ZSCAN20: variants seen among roughly 807,000 people sequenced by gnomAD.
ZSCAN20 encodes zinc finger and SCAN domain containing 20, also known as zinc finger and SCAN domain-containing protein 20.
Under a neutral mutation model 97.1 loss-of-function variants are expected in ZSCAN20, and 39 were observed. That is an observed-to-expected ratio of 0.40 (90% CI 0.31 to 0.52). The LOEUF is 0.52. ZSCAN20 is among the 20% of genes least tolerant of loss of function. The pLI is 0.49. For missense variants in ZSCAN20, 1,115 were observed against 1,290.4 expected (o/e 0.86, Z 2.08); for synonymous variants, 456 against 467.3 (o/e 0.98, Z 0.31).
chr1:33,497,825 G>A lies in ZSCAN20; in HGVS notation c.*2349G>A, dbSNP rs1652928229. Among the ~76,000 whole-genome samples the A allele has an allele frequency of 6.6e-6, 1 of 152,102 alleles. No homozygotes were observed. The highest frequency in any genetic ancestry group is 1.5e-5 in the Non-Finnish European group (1 of 68,032). On this transcript the variant is annotated 3_prime_UTR_variant, in exon 8 of 8. Coordinates refer to ENST00000684572, the MANE Select transcript of ZSCAN20 (RefSeq NM_001377376.1). ...AGCATGTCCTCATTCAGAATTGGGA[G>A]CACAAGGAGGAGAGGCTGATAGAGC...
intron 2 of ZSCAN20, among the ~76,000 whole-genome samples, chr1:33,486,998 G>A (rs1005375946): frequency 2.0e-4 from 30 of 152,118 alleles, no homozygotes; most frequent in African/African-American, 7.2e-4. Flanking sequence ...GAAGATAGTT[G>A]TTATTATTTT....
At chr1:33,488,202 C>G (rs981789322) in intron 2 of ZSCAN20, among the ~76,000 whole-genome samples, 1 of 152,072 alleles carries the variant, frequency 6.6e-6, no homozygotes, top group African/African-American at 2.4e-5. Context: ...CATAATTTAT[C>G]TCTTTATGAA....
chr1:33,479,533 C>T lies in ZSCAN20; in HGVS notation c.245C>T (p.Pro82Leu), dbSNP rs1466388099. The change falls in exon 2 of 8, where the codon CCG becomes CTG. Residue 82 changes from proline to leucine, a missense_variant. Around this residue, in one of 3 missense-constraint regions of ZSCAN20, gnomAD observed 508 missense variants for 611.2 expected, o/e 0.83. Coordinates refer to ENST00000684572, the MANE Select transcript of ZSCAN20 (RefSeq NM_001377376.1). ...LWALCCRWLR[P>L]EIRLKEQILE... ...GCTCTCTGCTGTCGTTGGCTGAGGC[C>T]GGAGATCCGTCTCAAAGAGCAGATC... is the stretch of plus-strand genomic sequence containing the variant. The T allele has an allele frequency of 3.7e-6, 6 of 1,613,252 alleles. No homozygotes were observed. Among genetic ancestry groups the T allele is most frequent in the Admixed American group, 1.7e-5 (1 of 59,932 alleles).
At chr1:33,482,894 AT>A (rs1378568939) in intron 2 of ZSCAN20, among the ~76,000 whole-genome samples, 1 of 152,148 alleles carries the variant, frequency 6.6e-6, no homozygotes, top group Admixed American at 6.6e-5. Context: ...AGTCTTGCCC[AT>A]TTTTAAATTG....
Position 33,491,430 on chromosome 1 carries a change from A to G in ZSCAN20, c.1172A>G (p.Lys391Arg). ...CTCCTACGGAATTACCGGAAAGCCA[A>G]GAGCAGCCACCCACCAGGTACCTGC... The part of the protein sequence containing the change: ...KNLLRNYRKA[K>R]SSHPPGTCPF... The change falls in exon 6 of 8, where the codon AAG (lysine) becomes AGG (arginine). Residue 391 changes from lysine (K) to arginine (R), a missense_variant. Lys to Arg is a conservative substitution (Grantham distance 26). Coordinates refer to ENST00000684572, the MANE Select transcript of ZSCAN20 (RefSeq NM_001377376.1). This position sits in a 1 kb window ranked among gnomAD's most constrained non-coding sequence, Gnocchi z 4.3. 6.2e-7 allele frequency: 1 copy of G among 1,614,228 alleles called. No homozygotes were observed. Among genetic ancestry groups the G allele is most frequent in the Non-Finnish European group, 8.5e-7 (1 of 1,180,040 alleles).
chr1:33,486,149 C>CT (rs1652357231), intron 2 of ZSCAN20, among the ~76,000 whole-genome samples: 1 of 152,144 alleles, frequency 6.6e-6, no homozygotes, highest in South Asian at 2.1e-4. Flanking sequence ...CAAAATGGTT[C>CT]TTTTTTCCTG....
At position 33,493,693 on chromosome 1, in the gene ZSCAN20, T is replaced by A. The variant is rs1652721011; in HGVS notation, c.1873+78T>A. 2.1e-6 allele frequency: 3 copies of A among 1,427,312 alleles called. No homozygotes were observed. The South Asian group carries it at 4.3e-5, about 21-fold the overall frequency. The allele number at this position is 1,427,312 out of a possible 1,614,324, so 88.4% of individuals were successfully genotyped here. ...TGAGGAAGCCAGGCTCATTATCTTT[T>A]GTCTCTTAACTAAAAGAGAGAATGG... On this transcript the variant is annotated intron_variant, in intron 7 of 7. Coordinates refer to ENST00000684572, the MANE Select transcript of ZSCAN20 (RefSeq NM_001377376.1). The surrounding 1 kb of genome is among the most constrained non-coding windows in gnomAD (Gnocchi z 4.3).
chr1:33,486,589 G>A (rs961132552), intron 2 of ZSCAN20, among the ~76,000 whole-genome samples: 1 of 152,130 alleles, frequency 6.6e-6, no homozygotes, highest in African/African-American at 2.4e-5. Flanking sequence ...CTAATTTTTT[G>A]TCTCCTGGTT....
At chr1:33,481,716 G>A (rs1464781192) in intron 2 of ZSCAN20, among the ~76,000 whole-genome samples, 2 of 152,132 alleles carry the variant, frequency 1.3e-5, no homozygotes, top group East Asian at 3.8e-4. Context: ...AAAGGTTGGT[G>A]CCTACAGGAC....
At chr1:33,486,603 A>C (rs74506524) in intron 2 of ZSCAN20, among the ~76,000 whole-genome samples, 3,812 of 152,310 alleles carry the variant, frequency 0.025, 129 homozygotes, top group East Asian at 0.08. Context: ...CCTGGTTGTC[A>C]CTTGAATCTA....
chr1:33,490,011 A>C (rs938697656), intron 5 of ZSCAN20, among the ~76,000 whole-genome samples: 1 of 152,202 alleles, frequency 6.6e-6, no homozygotes, highest in Non-Finnish European at 1.5e-5. Context: ...AGCCCAAAAT[A>C]CCTGAAGCCC....
intron 1 of ZSCAN20, 129 bp from the exon 2 acceptor site, chr1:33,479,050 C>G (rs533453995): frequency 2.9e-5 from 12 of 415,462 alleles, no homozygotes; most frequent in South Asian, 2.0e-4. Context: ...TTACTTCCTG[C>G]CTATGGGAAA....
intron 2 of ZSCAN20, among the ~76,000 whole-genome samples, chr1:33,483,674 T>C (rs1291278423): frequency 4.8e-5 from 3 of 61,858 alleles, no homozygotes; most frequent in Non-Finnish European, 1.1e-4. Flanking sequence ...CCCATTGCTA[T>C]TGAAAAAAAA....
At chr1:33,494,117 A>T (rs1652737456) in intron 7 of ZSCAN20, 101 bp from the exon 8 acceptor site, 2 of 1,104,190 alleles carry the variant, frequency 1.8e-6, no homozygotes, top group South Asian at 1.9e-5. Flanking sequence ...AATCAAATTC[A>T]TGTTAGCCAA....
chr1:33,493,531 A>G lies in ZSCAN20; in HGVS notation c.1789A>G (p.Thr597Ala), dbSNP rs755926539. ...TAGGTGTGGGCAGAGTAGTGCTGAGACTGATGCCCAGGAGGCCTGGGGTGA... is the reference window on the plus strand; with the variant it reads ...TAGGTGTGGGCAGAGTAGTGCTGAGGCTGATGCCCAGGAGGCCTGGGGTGA... ...LPRCGQSSAE[T>A]DAQEAWGEVA... is the part of the protein sequence containing the mutation. Residue 597 changes from threonine (T) to alanine (A), a missense_variant, in exon 7 of 8, where the codon ACT becomes GCT. Thr to Ala is a moderately conservative substitution (Grantham distance 58). Transcript: ENST00000684572. This position sits in a 1 kb window ranked among gnomAD's most constrained non-coding sequence, Gnocchi z 4.3. The G allele has an allele frequency of 6.2e-7, 1 of 1,613,364 alleles. No individual in the cohort carries two copies. Among genetic ancestry groups the G allele is most frequent in the Non-Finnish European group, 8.5e-7 (1 of 1,179,484 alleles).
chr1:33,495,578 C>T lies in ZSCAN20; in HGVS notation c.*102C>T. 8.9e-7 allele frequency: 1 copy of T among 1,123,194 alleles called. No homozygotes were observed. The highest frequency in any genetic ancestry group is 3.7e-5 in the South Asian group (1 of 27,368). The allele number at this position is 1,123,194 out of a possible 1,614,324, so 69.6% of individuals were successfully genotyped here. Reference sequence around the variant, plus strand: ...TTCCAATTTTTAAGCTTGGTGTGTACCCAGGGAAGTTATCTTGGTATAAAC... The same window carrying T: ...TTCCAATTTTTAAGCTTGGTGTGTATCCAGGGAAGTTATCTTGGTATAAAC... On this transcript the variant is annotated 3_prime_UTR_variant, in exon 8 of 8. Coordinates refer to ENST00000684572, the MANE Select transcript of ZSCAN20 (RefSeq NM_001377376.1).
Position 33,491,280 on chromosome 1 carries a change from C to G in ZSCAN20, c.1022C>G (p.Ser341Cys), listed in dbSNP as rs753493873. The stretch of plus-strand genomic sequence containing the variant: ...ACTTTCCTGGCAATTTTGAGTGAAT[C>G]TCCTTTCTCTGAAAAGCTCCGGACT... ...TKTFLAILSE[S>C]PFSEKLRTCH... The change falls in exon 6 of 8, where the codon TCT (serine) becomes TGT (cysteine). Residue 341 changes from serine (S) to cysteine (C), a missense_variant. Coordinates refer to ENST00000684572, the MANE Select transcript of ZSCAN20 (RefSeq NM_001377376.1). This position sits in a 1 kb window ranked among gnomAD's most constrained non-coding sequence, Gnocchi z 4.3. 6.2e-7 allele frequency: 1 copy of G among 1,614,170 alleles called. No homozygotes were observed. Among genetic ancestry groups the G allele is most frequent in the South Asian group, 1.1e-5 (1 of 91,078 alleles).
At chr1:33,478,296 A>T (rs560672649) in intron 1 of ZSCAN20, among the ~76,000 whole-genome samples, 6 of 152,088 alleles carry the variant, frequency 3.9e-5, no homozygotes, top group Non-Finnish European at 5.9e-5. Context: ...TCTGCACTGA[A>T]GTGGTAGCAT....
intron 1 of ZSCAN20, among the ~76,000 whole-genome samples, chr1:33,478,968 T>C (rs1302284853): frequency 1.3e-5 from 2 of 152,172 alleles, no homozygotes; most frequent in Admixed American, 6.5e-5. Flanking sequence ...TTTTTATATA[T>C]AGATCCCTCA....
Sources: allele counts gnomAD v4.1 joint callset (sites outside exome capture counted in the v4.1 genomes callset), GRCh38; gene constraint gnomAD v4.1.1; regional missense constraint gnomAD v4.1.1; non-coding constraint Gnocchi (gnomAD v3.1); transcripts MANE v1.5; gene names NCBI Gene and HGNC (gene_info 2026-07-23, HGNC 2026-07-21).